The following PRKN variants were observed in gnomAD, a reference collection of about 807,000 sequenced individuals.
PRKN encodes parkin RBR E3 ubiquitin protein ligase.
In PRKN, 56 loss-of-function variants were observed where a neutral mutation model predicts 59.5. The ratio of observed to expected loss-of-function variants is 0.94; its 90% CI spans 0.76 to 1.18. The LOEUF (loss-of-function observed/expected upper bound fraction) is 1.18. Among genes scored for constraint, PRKN ranks in the 50% most tolerant of loss-of-function variants. The pLI is 0.00. For synonymous variants in PRKN, 250 were observed against 222.1 expected (o/e 1.13, Z -1.12); for missense variants, 657 against 596.4 (o/e 1.10, Z -1.06).
At chr6:162,192,155 T>A (rs1252998899) in intron 4 of PRKN, among the ~76,000 whole-genome samples, 1 of 152,172 alleles carries the variant, frequency 6.6e-6, no homozygotes, top group Non-Finnish European at 1.5e-5. Flanking sequence ...TATAAATATT[T>A]TAAAAATGTA....
At chr6:161,978,693 G>A (rs1452748663) in intron 5 of PRKN, among the ~76,000 whole-genome samples, 1 of 152,284 alleles carries the variant, frequency 6.6e-6, no homozygotes, top group African/African-American at 2.4e-5. Context: ...GCACCACTGT[G>A]AGGTCACTGG....
intron 9 of PRKN, among the ~76,000 whole-genome samples, chr6:161,524,152 C>T (rs1364662270): frequency 1.3e-5 from 2 of 152,126 alleles, no homozygotes; most frequent in Non-Finnish European, 2.9e-5. Flanking sequence ...TCTATCACAG[C>T]ACTTCCAAAA....
chr6:162,489,595 T>A (rs1792712407), intron 1 of PRKN, among the ~76,000 whole-genome samples: 1 of 152,254 alleles, frequency 6.6e-6, no homozygotes, highest in South Asian at 2.1e-4. Flanking sequence ...CATGAGCTAC[T>A]TGTGAAATAA....
chr6:162,478,393 CTGTT>C (rs993633929), intron 1 of PRKN, among the ~76,000 whole-genome samples: 3 of 152,186 alleles, frequency 2.0e-5, no homozygotes, highest in African/African-American at 7.2e-5. Context: ...AGTCACATGT[CTGTT>C]CATTAAACGC....
chr6:162,608,421 C>T (rs1202248765), intron 1 of PRKN, among the ~76,000 whole-genome samples: 4 of 152,054 alleles, frequency 2.6e-5, no homozygotes, highest in Admixed American at 6.6e-5. Flanking sequence ...GTCAAGGTGT[C>T]GGATGCTAAA....
Position 162,342,789 on chromosome 6 carries a change from T to A in PRKN, c.172-80024A>T, listed in dbSNP as rs781092331. ...TCAAGCCCAATCATGGTGATGATTT[T>A]AAAAAATATTATTAATGATTACCTT... is the stretch of plus-strand genomic sequence containing the variant. On this transcript the variant is annotated intron_variant, in intron 2 of 11. Coordinates refer to ENST00000366898, the MANE Select transcript of PRKN (RefSeq NM_004562.3). Among the ~76,000 whole-genome samples the A allele has an allele frequency of 4.8e-4, 73 of 152,240 alleles. 1 individual carries two copies. Among genetic ancestry groups the A allele is most frequent in the Middle Eastern group, 3.4e-3 (1 of 294 alleles).
chr6:161,946,432 T>A (rs879411478), intron 6 of PRKN, among the ~76,000 whole-genome samples: 1,725 of 145,142 alleles, frequency 0.012, 12 homozygotes, highest in South Asian at 0.031. Flanking sequence ...TCTCTCTCTC[T>A]CTCTCTCTCT....
intron 3 of PRKN, among the ~76,000 whole-genome samples, chr6:162,220,166 C>T (rs1318496209): frequency 2.0e-5 from 3 of 151,938 alleles, no homozygotes; most frequent in Non-Finnish European, 4.4e-5. Context: ...TATCACCATA[C>T]AGAAAAATCA....
intron 2 of PRKN, among the ~76,000 whole-genome samples, chr6:162,441,368 A>C (rs753185812): frequency 1.4e-4 from 21 of 152,154 alleles, no homozygotes; most frequent in Non-Finnish European, 2.2e-4. Context: ...ACAAGAACCC[A>C]TCCTTTTTGG....
At chr6:161,755,483 T>C (rs1457225505) in intron 7 of PRKN, among the ~76,000 whole-genome samples, 1 of 152,128 alleles carries the variant, frequency 6.6e-6, no homozygotes, top group Non-Finnish European at 1.5e-5. Context: ...ATTCCTATTA[T>C]GTGAAAAATA....
At chr6:162,333,682 A>G (rs554810310) in intron 2 of PRKN, among the ~76,000 whole-genome samples, 8 of 152,212 alleles carry the variant, frequency 5.3e-5, no homozygotes, top group African/African-American at 1.9e-4. Flanking sequence ...ACGCAACTAT[A>G]CTGTATTAGA....
Position 162,011,225 on chromosome 6 carries a change from T to C in PRKN, c.619-37808A>G, listed in dbSNP as rs1782655144. Reference sequence around the variant, plus strand: ...TATTATATATAATATAGTATATATTTATAATATATAATTTATAATATATAT... The same window carrying C: ...TATTATATATAATATAGTATATATTCATAATATATAATTTATAATATATAT... On this transcript the variant is annotated intron_variant, in intron 5 of 11. Transcript: ENST00000366898. Among the ~76,000 whole-genome samples, 2 of 77,022 alleles carry C rather than the reference T, an allele frequency of 2.6e-5. 1 individual carries two copies. The highest frequency in any genetic ancestry group is 5.2e-5 in the Non-Finnish European group (2 of 38,530). The allele number at this position is 77,022 out of a possible 152,430, so 50.5% of individuals were successfully genotyped here.
chr6:161,436,720 C>T (rs1788933065), intron 9 of PRKN, among the ~76,000 whole-genome samples: 1 of 152,032 alleles, frequency 6.6e-6, no homozygotes, highest in Non-Finnish European at 1.5e-5. Context: ...TGGCTACTTG[C>T]AGGCATGTCT....
In PRKN at chr6:161,349,829, G is replaced by C; in HGVS notation, c.*270C>G. 1 of 536,966 alleles carries C rather than the reference G, an allele frequency of 1.9e-6. No individual in the cohort carries two copies. 33.3% of individuals were successfully genotyped at this position (536,966 alleles called of 1,614,324 possible). ...GCTGAGAACGCCTGTTGGTGGTGTC[G>C]CAGATGGCTCTGCTGTCTTGTGTGG... On this transcript the variant is annotated 3_prime_UTR_variant, in exon 12 of 12. Transcript: ENST00000366898. The surrounding 1 kb of genome is among the most constrained non-coding windows in gnomAD (Gnocchi z 5.5).
intron 4 of PRKN, among the ~76,000 whole-genome samples, chr6:162,135,045 G>A (rs1437489914): frequency 6.6e-6 from 1 of 152,060 alleles, no homozygotes; most frequent in East Asian, 1.9e-4. Flanking sequence ...CTTACTGATG[G>A]CATATCAGTA....
At chr6:161,962,572 G>C (rs117938035) in intron 6 of PRKN, among the ~76,000 whole-genome samples, 1 of 144,342 alleles carries the variant, frequency 6.9e-6, no homozygotes, top group East Asian at 2.1e-4. Flanking sequence ...ACGGAGTCTC[G>C]CTCTGTCATC....
At chr6:162,693,397 T>C (rs1777849563) in intron 1 of PRKN, among the ~76,000 whole-genome samples, 1 of 152,236 alleles carries the variant, frequency 6.6e-6, no homozygotes, top group African/African-American at 2.4e-5. Context: ...GCTCTGCTTT[T>C]GGCAATAAAG....
At chr6:161,774,170 G>C (rs1284796620) in intron 7 of PRKN, among the ~76,000 whole-genome samples, 1 of 152,072 alleles carries the variant, frequency 6.6e-6, no homozygotes, top group Non-Finnish European at 1.5e-5. Context: ...CCTTGTCCGT[G>C]TACCAGTCAC....
intron 1 of PRKN, among the ~76,000 whole-genome samples, chr6:162,720,456 T>TC (rs1192703705): frequency 1.4e-5 from 2 of 148,108 alleles, no homozygotes; most frequent in Non-Finnish European, 3.0e-5. Flanking sequence ...TTTTTTTTTT[T>TC]TTTTTGAGAC....
Sources: gnomAD v4.1 joint callset for allele counts (sites outside exome capture counted in the v4.1 genomes callset) on GRCh38, gnomAD v4.1.1 for gene constraint, Gnocchi (gnomAD v3.1) non-coding constraint, MANE v1.5 for transcripts, NCBI Gene and HGNC (gene_info 2026-07-23, HGNC 2026-07-21) for gene names.